The following PDK2 variants were observed in gnomAD, a reference collection of about 807,000 sequenced individuals.
PDK2 encodes pyruvate dehydrogenase kinase 2, also known as pyruvate dehydrogenase kinase, isozyme 2.
A neutral mutation model predicts 50.4 loss-of-function variants in PDK2; 34 were observed. The ratio of observed to expected loss-of-function variants is 0.68; its 90% CI spans 0.51 to 0.90. The LOEUF (loss-of-function observed/expected upper bound fraction) is 0.90, where lower values mean the gene tolerates loss of function less well. Ranked by LOEUF, PDK2 falls within the 40% of genes least tolerant of loss-of-function variation. The pLI is 0.00. For synonymous variants in PDK2, 232 were observed against 216.0 expected, an observed-to-expected ratio of 1.07 and a Z score of -0.65; for missense variants, 377 against 544.5, an observed-to-expected ratio of 0.69 and a Z score of 3.06.
chr17:50,102,263 C>T (rs1396764724), intron 2 of PDK2, among the ~76,000 whole-genome samples: 6 of 152,212 alleles, frequency 3.9e-5, no homozygotes, highest in Non-Finnish European at 8.8e-5. Flanking sequence ...GAGCCCTGGC[C>T]CTGTGAGGGA....
In PDK2 at chr17:50,106,871, G is replaced by A. The variant is rs1162014378; in HGVS notation, c.595G>A (p.Glu199Lys). The change falls in exon 5 of 11, where the codon GAG becomes AAG. Residue 199 changes from glutamate to lysine, a missense_variant. Around this residue, in one of 3 missense-constraint regions of PDK2, gnomAD observed 214 missense variants for 294.0 expected, o/e 0.73. Transcript: ENST00000503176. ...CATCGACCCCAACTGCAACGTCTCTGAGGTGGTCAAAGGTGAGCCATTCCC... is the reference window on the plus strand; with the variant it reads ...CATCGACCCCAACTGCAACGTCTCTAAGGTGGTCAAAGGTGAGCCATTCCC... ...GSIDPNCNVS[E>K]VVKDAYDMAK... 6.2e-7 allele frequency: 1 copy of A among 1,614,056 alleles called. No individual in the cohort carries two copies.
intron 6 of PDK2, 32 bp from the exon 7 acceptor site, chr17:50,108,124 T>A (rs1280444938): frequency 6.4e-7 from 1 of 1,563,646 alleles, no homozygotes; most frequent in Non-Finnish European, 8.7e-7. Context: ...TCCTGACGGT[T>A]TCCTGACCCT....
rs1598217622 is a variant in PDK2, at chr17:50,110,442, A to C, written c.*345A>C. Reference sequence around the variant, plus strand: ...CCAGGGGTACTGGGTCCCCCTCAGCACCCTCCACAGCACAGGCCTTCCAAG... The same window carrying C: ...CCAGGGGTACTGGGTCCCCCTCAGCCCCCTCCACAGCACAGGCCTTCCAAG... On this transcript the variant is annotated 3_prime_UTR_variant, in exon 11 of 11. Coordinates refer to ENST00000503176, the MANE Select transcript of PDK2 (RefSeq NM_002611.5). 5.2e-6 allele frequency: 1 copy of C among 190,580 alleles called. No homozygotes were observed. The highest frequency in any genetic ancestry group is 1.1e-5 in the Non-Finnish European group (1 of 92,718). The allele number at this position is 190,580 out of a possible 1,614,324, so 11.8% of individuals were successfully genotyped here.
chr17:50,096,483 C>T (rs1909955537), intron 1 of PDK2, among the ~76,000 whole-genome samples: 1 of 152,124 alleles, frequency 6.6e-6, no homozygotes, highest in Non-Finnish European at 1.5e-5. Context: ...GTTGCAGCTG[C>T]GTCAATGATG....
chr17:50,105,704 G>A lies in PDK2; in HGVS notation c.333-181G>A, dbSNP rs74416879. On this transcript the variant is annotated intron_variant, in intron 3 of 10. Transcript: ENST00000503176. ...GGGAGGATGAGAACTCTGGGCTTTCGAGTGGGAAGCCTGCCGGCAGGCAGC... is the reference window on the plus strand; with the variant it reads ...GGGAGGATGAGAACTCTGGGCTTTCAAGTGGGAAGCCTGCCGGCAGGCAGC... Among the ~76,000 whole-genome samples, 21,031 of 152,214 alleles carry A rather than the reference G, an allele frequency of 0.14. 1,635 individuals are homozygous for A. The highest frequency in any genetic ancestry group is 0.16 in the African/African-American group (6,765 of 41,516).
Position 50,109,947 on chromosome 17 carries a change from C to A in PDK2, c.1084-10C>A. 6.5e-7 allele frequency: 1 copy of A among 1,532,926 alleles called. No homozygotes were observed. Among genetic ancestry groups the A allele is most frequent in the Non-Finnish European group, 8.8e-7 (1 of 1,132,766 alleles). 95.0% of individuals were successfully genotyped at this position (1,532,926 alleles called of 1,614,324 possible). ...GGGAGGTGGGAGGGGCTGACCCTGA[C>A]ACTCCCCAGGCCCTGTCCACGGACT... On this transcript the variant is annotated splice_polypyrimidine_tract_variant and intron_variant, in intron 10 of 10. Coordinates refer to ENST00000503176, the MANE Select transcript of PDK2 (RefSeq NM_002611.5). This position sits in a 1 kb window ranked among gnomAD's most constrained non-coding sequence, Gnocchi z 5.0.
At chr17:50,108,776 T>C (rs375252405) in intron 9 of PDK2, 57 bp downstream of exon 9, 1 of 957,602 alleles carries the variant, frequency 1.0e-6, no homozygotes, top group Non-Finnish European at 1.6e-6. Flanking sequence ...CTCTCCTCAC[T>C]CACTTCCTTA....
upstream of PDK2, among the ~76,000 whole-genome samples, chr17:50,095,073 G>T (rs915535825): frequency 2.6e-5 from 4 of 152,270 alleles, no homozygotes; most frequent in Non-Finnish European, 5.9e-5. Flanking sequence ...GGCTGGCGGG[G>T]CTCTGGGAAG....
chr17:50,097,308 C>A lies in PDK2; in HGVS notation c.119-115C>A, dbSNP rs1308535897. ...GGGGAGCCTTGCTGTGTGCCCCGGG[C>A]AGGTCACTTGCTCTCTGAGCCCCCT... On this transcript the variant is annotated intron_variant, in intron 1 of 10. Coordinates refer to ENST00000503176, the MANE Select transcript of PDK2 (RefSeq NM_002611.5). The A allele has an allele frequency of 6.8e-6, 7 of 1,031,736 alleles. No homozygotes were observed. In the East Asian group the frequency reaches 1.6e-4, roughly 23 times the overall value. 63.9% of individuals were successfully genotyped at this position (1,031,736 alleles called of 1,614,324 possible).
intron 2 of PDK2, chr17:50,104,452 T>C (rs924214515): frequency 3.3e-5 from 5 of 152,284 alleles, no homozygotes; most frequent in African/African-American, 9.7e-5. Context: ...GTTTTTGCCA[T>C]GTTGGCCAGG....
Position 50,109,474 on chromosome 17 carries a change from C to T in PDK2, c.1083+74C>T, listed in dbSNP as rs1027401833. ...GGACCTGGGCAGCCTTGGCCAGCTGCGAGCTTTCCTTTCCATCCCCCCAGT... is the reference window on the plus strand; with the variant it reads ...GGACCTGGGCAGCCTTGGCCAGCTGTGAGCTTTCCTTTCCATCCCCCCAGT... On this transcript the variant is annotated intron_variant, in intron 10 of 10. Transcript: ENST00000503176. This position sits in a 1 kb window ranked among gnomAD's most constrained non-coding sequence, Gnocchi z 5.0. The T allele has an allele frequency of 3.5e-5, 31 of 898,360 alleles. No homozygotes were observed. Among genetic ancestry groups the T allele is most frequent in the Middle Eastern group, 2.2e-4 (1 of 4,448 alleles). The allele number at this position is 898,360 out of a possible 1,614,324, so 55.6% of individuals were successfully genotyped here.
At chr17:50,105,284 A>C (rs1910445776) in intron 2 of PDK2, 87 bp from the exon 3 acceptor site, 2 of 927,500 alleles carry the variant, frequency 2.2e-6, no homozygotes, top group Non-Finnish European at 3.2e-6. Context: ...TAGGAGCAGG[A>C]CAAGAGCAAG....
intron 4 of PDK2, chr17:50,106,299 T>C (rs1458811818): frequency 3.6e-6 from 4 of 1,116,042 alleles, no homozygotes; most frequent in South Asian, 3.7e-5. Flanking sequence ...TTGCAAAATG[T>C]AAAATTATGT....
Position 50,097,488 on chromosome 17 carries a change from G to A in PDK2, c.184G>A (p.Ala62Thr). The A allele has an allele frequency of 6.2e-7, 1 of 1,613,924 alleles. No individual in the cohort carries two copies. Among genetic ancestry groups the A allele is most frequent in the Non-Finnish European group, 8.5e-7 (1 of 1,179,974 alleles). ...FLRQELPVRL[A>T]NIMKEINLLP... ...CAGGCAGGAGCTGCCTGTGCGCCTG[G>A]CCAACATCATGAAAGAGATCAACCT... The change falls in exon 2 of 11, where the codon GCC becomes ACC. Residue 62 changes from alanine (A) to threonine (T), a missense_variant. This residue lies in a region of PDK2 where 100 missense variants were observed against 115.5 expected (regional missense o/e 0.87). Coordinates refer to ENST00000503176, the MANE Select transcript of PDK2 (RefSeq NM_002611.5).
chr17:50,095,823 G>A, intron 1 of PDK2: 1 of 1,217,368 alleles, frequency 8.2e-7, no homozygotes, highest in Non-Finnish European at 1.0e-6. Flanking sequence ...AAGGGGCAGT[G>A]AAGCTGTGAT....
chr17:50,107,059 A>T lies in PDK2; in HGVS notation c.608-17A>T. 6.2e-7 allele frequency: 1 copy of T among 1,611,312 alleles called. No homozygotes were observed. ...GGGTGGGCCACCCATGCCCTGAATG[A>T]CCCCATCTTCTCTCAGATGCCTACG... On this transcript the variant is annotated splice_polypyrimidine_tract_variant and intron_variant, in intron 5 of 10. Coordinates refer to ENST00000503176, the MANE Select transcript of PDK2 (RefSeq NM_002611.5).
chr17:50,099,874 G>T (rs1910133579), intron 2 of PDK2, among the ~76,000 whole-genome samples: 1 of 152,268 alleles, frequency 6.6e-6, no homozygotes, highest in African/African-American at 2.4e-5. Context: ...TGAAGAGACA[G>T]CCTGCCAAGA....
At chr17:50,095,698 T>G in intron 1 of PDK2, 145 bp downstream of exon 1, 1 of 1,432,598 alleles carries the variant, frequency 7.0e-7, no homozygotes. Context: ...AAAGAGTTAA[T>G]GGGGAAGCAG....
Position 50,110,880 on chromosome 17 carries a change from G to A in PDK2, c.*783G>A, listed in dbSNP as rs1199610982. 1.2e-4 allele frequency: 18 copies of A among 152,394 alleles called. No individual in the cohort carries two copies. The highest frequency in any genetic ancestry group is 1.2e-3 in the Admixed American group (18 of 15,284). The allele number at this position is 152,394 out of a possible 1,614,324, so 9.4% of individuals were successfully genotyped here. A position where few individuals can be genotyped will look rare whatever the true frequency, so the allele number is the denominator to read the frequency against. ...CAGCCCCCAGCCCCCACTGTGCCCA[G>A]ACATGTGTGCTCAGGGTGGCTTTCT... On this transcript the variant is annotated 3_prime_UTR_variant, in exon 11 of 11. Coordinates refer to ENST00000503176, the MANE Select transcript of PDK2 (RefSeq NM_002611.5).
Sources: allele counts gnomAD v4.1 joint callset (sites outside exome capture counted in the v4.1 genomes callset), GRCh38; gene constraint gnomAD v4.1.1; regional missense constraint gnomAD v4.1.1; non-coding constraint Gnocchi (gnomAD v3.1); transcripts MANE v1.5; gene names NCBI Gene and HGNC (gene_info 2026-07-23, HGNC 2026-07-21).